The following WDPCP variants were observed in gnomAD, a reference collection of about 807,000 sequenced individuals.
The protein encoded by WDPCP is WD repeat-containing and planar cell polarity effector protein fritz homolog.
WDPCP carries 71 observed loss-of-function variants against 93.1 expected under a neutral mutation model. The observed-to-expected ratio is 0.76, with a 90% CI of 0.63 to 0.93. The LOEUF is 0.93. Among genes scored for constraint, WDPCP ranks in the 40% least tolerant of loss-of-function variants. WDPCP has a pLI of 0.00. For missense variants in WDPCP, 844 were observed against 887.4 expected (o/e 0.95, Z 0.62); for synonymous variants, 315 against 315.0 (o/e 1.00, Z 0.00).
At chr2:63,595,651 T>C (rs2305157) in intron 3 of WDPCP, 491,685 of 632,990 alleles carry the variant, frequency 0.78, 193,696 homozygotes, top group East Asian at 0.98. Flanking sequence ...ACTACCACTG[T>C]TTATTAACTA....
chr2:63,366,570 TATC>T (rs1690929698), intron 12 of WDPCP, among the ~76,000 whole-genome samples: 1 of 152,170 alleles, frequency 6.6e-6, no homozygotes, highest in Non-Finnish European at 1.5e-5. Flanking sequence ...TTACATGGAT[TATC>T]ATATTAATTC....
chr2:63,411,407 C>T (rs1486745825), intron 9 of WDPCP, among the ~76,000 whole-genome samples: 1 of 152,026 alleles, frequency 6.6e-6, no homozygotes, highest in East Asian at 1.9e-4. Context: ...GTTCATAGCC[C>T]TAAACACCTA....
At chr2:63,608,272 T>C (rs1709575187) in intron 3 of WDPCP, among the ~76,000 whole-genome samples, 1 of 152,184 alleles carries the variant, frequency 6.6e-6, no homozygotes, top group South Asian at 2.1e-4. Context: ...AACCACTAAA[T>C]ACCACAGAAG....
chr2:63,623,054 T>C (rs759337200), intron 3 of WDPCP, among the ~76,000 whole-genome samples: 1 of 152,220 alleles, frequency 6.6e-6, no homozygotes, highest in Non-Finnish European at 1.5e-5. Flanking sequence ...AAGAAAAGAA[T>C]TTTCAGCCCA....
At chr2:63,452,671 C>A (rs1204527283) in intron 6 of WDPCP, among the ~76,000 whole-genome samples, 2 of 152,220 alleles carry the variant, frequency 1.3e-5, no homozygotes, top group Non-Finnish European at 2.9e-5. Flanking sequence ...CTGGAGGCAT[C>A]ACGCTACCTG....
intron 1 of WDPCP, among the ~76,000 whole-genome samples, chr2:63,816,650 T>C (rs1670936766): frequency 6.6e-6 from 1 of 152,236 alleles, no homozygotes; most frequent in Admixed American, 6.5e-5. Context: ...TTTGGGCTTC[T>C]GGCCTCCAGA....
chr2:63,203,215 T>C (rs1447623880), intron 14 of WDPCP, among the ~76,000 whole-genome samples: 1 of 152,026 alleles, frequency 6.6e-6, no homozygotes, highest in Non-Finnish European at 1.5e-5. Flanking sequence ...CTTTACAGAG[T>C]ATATGAGATG....
At chr2:63,212,775 C>G (rs918232200) in intron 14 of WDPCP, among the ~76,000 whole-genome samples, 3 of 147,654 alleles carry the variant, frequency 2.0e-5, no homozygotes, top group African/African-American at 7.4e-5. Context: ...GGAGGAAGAT[C>G]TACCACAAAA....
At chr2:63,655,601 C>T (rs1181723373) in intron 2 of WDPCP, among the ~76,000 whole-genome samples, 1 of 152,082 alleles carries the variant, frequency 6.6e-6, no homozygotes, top group African/African-American at 2.4e-5. Flanking sequence ...GAAACTACTT[C>T]TGTCCTCTGT....
At chr2:63,629,147 A>G (rs537696371) in intron 3 of WDPCP, among the ~76,000 whole-genome samples, 28 of 152,328 alleles carry the variant, frequency 1.8e-4, no homozygotes, top group African/African-American at 6.7e-4. Context: ...GGCACAGACA[A>G]ACAAAGAAAA....
At chr2:63,470,353 C>T (rs992976307) in intron 6 of WDPCP, among the ~76,000 whole-genome samples, 6 of 152,164 alleles carry the variant, frequency 3.9e-5, no homozygotes, top group Non-Finnish European at 8.8e-5. Flanking sequence ...TCAAACATAC[C>T]ATGTCCAAAA....
intron 3 of WDPCP, chr2:63,606,785 A>G (rs1026056959): frequency 3.6e-6 from 4 of 1,123,690 alleles, no homozygotes; most frequent in Non-Finnish European, 5.0e-6. Flanking sequence ...ACCTCTAAAT[A>G]TAAGTTCAAA....
intron 2 of WDPCP, among the ~76,000 whole-genome samples, chr2:63,788,949 G>A (rs1670507174): frequency 6.6e-6 from 1 of 152,072 alleles, no homozygotes; most frequent in Non-Finnish European, 1.5e-5. Context: ...TCCTCACTAT[G>A]CTGCCCAGGT....
chr2:63,121,343 C>T lies in WDPCP; in HGVS notation c.*663G>A, dbSNP rs146972196. ...TTGTAATGTAAATTAATAATGTAAA[C>T]AAGAGCAGAAGAGGACTTTCTTTCT... On this transcript the variant is annotated 3_prime_UTR_variant, in exon 18 of 18. Coordinates refer to ENST00000272321, the MANE Select transcript of WDPCP (RefSeq NM_015910.7). The T allele has an allele frequency of 6.7e-6, 1 of 149,954 alleles. No individual in the cohort carries two copies. Among genetic ancestry groups the T allele is most frequent in the African/African-American group, 2.4e-5 (1 of 40,892 alleles). The allele number at this position is 149,954 out of a possible 1,614,324, so 9.3% of individuals were successfully genotyped here.
At chr2:63,149,310 A>G (rs577207702) in intron 17 of WDPCP, among the ~76,000 whole-genome samples, 4 of 152,208 alleles carry the variant, frequency 2.6e-5, no homozygotes, top group Non-Finnish European at 4.4e-5. Context: ...TAAAACCTCA[A>G]TGAGAAACCA....
chr2:63,577,654 T>C (rs1393765395), intron 1 of WDPCP, among the ~76,000 whole-genome samples: 1 of 152,146 alleles, frequency 6.6e-6, no homozygotes, highest in Admixed American at 6.5e-5. Flanking sequence ...TTATGTCAAA[T>C]ACAAATTTTC....
At chr2:63,162,393 A>G (rs1185045953) in intron 15 of WDPCP, among the ~76,000 whole-genome samples, 2 of 152,114 alleles carry the variant, frequency 1.3e-5, no homozygotes, top group Non-Finnish European at 2.9e-5. Flanking sequence ...AGATCTGGAC[A>G]TTTCTGTAAC....
chr2:63,535,166 A>G (rs1704180288), intron 1 of WDPCP, among the ~76,000 whole-genome samples: 1 of 152,214 alleles, frequency 6.6e-6, no homozygotes, highest in Admixed American at 6.5e-5. Flanking sequence ...GATGTGAAGG[A>G]CCTCTTCAAG....
chr2:63,783,336 A>G (rs894632779), intron 2 of WDPCP, among the ~76,000 whole-genome samples: 1 of 152,126 alleles, frequency 6.6e-6, no homozygotes, highest in African/African-American at 2.4e-5. Context: ...TGGGAAGATT[A>G]GTGAACCCAG....
Sources: gnomAD v4.1 joint callset for allele counts (sites outside exome capture counted in the v4.1 genomes callset) on GRCh38, gnomAD v4.1.1 for gene constraint, MANE v1.5 for transcripts, NCBI Gene and HGNC (gene_info 2026-07-23, HGNC 2026-07-21) for gene names.